The following ZBTB32 variants were observed in gnomAD, a reference collection of about 807,000 sequenced individuals.
ZBTB32 encodes zinc finger and BTB domain containing 32.
Under a neutral mutation model 45.3 loss-of-function variants are expected in ZBTB32, and 28 were observed. That is an observed-to-expected ratio of 0.62 (90% CI 0.46 to 0.85). ZBTB32 has a LOEUF of 0.85. Among genes scored for constraint, ZBTB32 ranks in the 40% least tolerant of loss-of-function variants. ZBTB32 has a pLI of 0.00. For synonymous variants in ZBTB32, 283 were observed against 255.7 expected (o/e 1.11, Z -1.02); for missense variants, 587 against 624.4 (o/e 0.94, Z 0.64).
At chr19:35,707,316 T>C (rs954786033) in intron 1 of ZBTB32, among the ~76,000 whole-genome samples, 3 of 151,390 alleles carry the variant, frequency 2.0e-5, no homozygotes, top group African/African-American at 7.3e-5. Context: ...GAGTAATCTG[T>C]CAATCTCTTG....
At chr19:35,711,175 T>C (rs982357754) in intron 1 of ZBTB32, among the ~76,000 whole-genome samples, 1 of 152,172 alleles carries the variant, frequency 6.6e-6, no homozygotes, top group Admixed American at 6.5e-5. Flanking sequence ...AAGCACATGA[T>C]GTGGGGCTGG....
In ZBTB32 at chr19:35,715,192, C is replaced by T; in HGVS notation, c.566C>T (p.Thr189Ile). Reference protein sequence around the residue: ...GATQEAQQEQTRSKEKRLQAP... With the variant: ...GATQEAQQEQIRSKEKRLQAP... The stretch of plus-strand genomic sequence containing the variant: ...ACGCAGGAGGCTCAGCAGGAACAGA[C>T]CAGGTCAAAGGAGAAACGCCTCCAA... Residue 189 changes from threonine to isoleucine, a missense_variant, in exon 3 of 7, where the codon ACC becomes ATC. Thr to Ile is a moderately conservative substitution (Grantham distance 89, BLOSUM62 -1). Coordinates refer to ENST00000392197, the MANE Select transcript of ZBTB32 (RefSeq NM_014383.3). The T allele has an allele frequency of 3.7e-6, 6 of 1,612,108 alleles. No homozygotes were observed. The highest frequency in any genetic ancestry group is 5.1e-6 in the Non-Finnish European group (6 of 1,179,654).
Position 35,715,137 on chromosome 19 carries a change from C to T in ZBTB32, c.511C>T (p.Pro171Ser), listed in dbSNP as rs1364691454. The T allele has an allele frequency of 6.2e-7, 1 of 1,613,948 alleles. No homozygotes were observed. Among genetic ancestry groups the T allele is most frequent in the Middle Eastern group, 1.6e-4 (1 of 6,062 alleles). ...EQEMLHKHSP[P>S]RGRPEMAGAT... ...GGAGATGTTGCACAAGCACTCGCCA[C>T]CAAGAGGCAGACCCGAGATGGCAGG... is the stretch of plus-strand genomic sequence containing the variant. The change falls in exon 3 of 7, where the codon CCA (proline) becomes TCA (serine). Residue 171 changes from proline to serine, a missense_variant. Pro to Ser is a moderately conservative substitution (Grantham distance 74). Transcript: ENST00000392197.
intron 2 of ZBTB32, chr19:35,713,530 G>A (rs1216677159): frequency 1.3e-5 from 2 of 152,424 alleles, no homozygotes; most frequent in African/African-American, 4.8e-5. Flanking sequence ...CCAACCTAGA[G>A]CCCTCTCCCT....
intron 6 of ZBTB32, 33 bp downstream of exon 6, chr19:35,716,330 C>T: frequency 1.2e-6 from 2 of 1,611,960 alleles, no homozygotes; most frequent in East Asian, 4.5e-5. Context: ...GAACTGTCGG[C>T]TTTCTTCCCA....
chr19:35,713,829 G>A (rs996062261), intron 2 of ZBTB32, among the ~76,000 whole-genome samples: 45 of 152,192 alleles, frequency 3.0e-4, no homozygotes, highest in Admixed American at 5.2e-4. Flanking sequence ...CAGTCCCCAC[G>A]TCCTTTCCTC....
chr19:35,712,537 A>C (rs749703060), intron 1 of ZBTB32, among the ~76,000 whole-genome samples: 4 of 152,220 alleles, frequency 2.6e-5, no homozygotes, highest in Non-Finnish European at 5.9e-5. Context: ...ACAGAAAAAG[A>C]AAGTTGAGCC....
In ZBTB32 at chr19:35,716,279, C is replaced by T. The variant is rs1173664493; in HGVS notation, c.1171C>T (p.His391Tyr). ...TTCACTCAAGCATCAGATGGAGACG[C>T]ACTACCGAGTCCACACAGGTATGGG... ...RFSLKHQMET[H>Y]YRVHTGEKPF... Residue 391 changes from histidine (H) to tyrosine (Y), a missense_variant, in exon 6 of 7, where the codon CAC (histidine) becomes TAC (tyrosine). Coordinates refer to ENST00000392197, the MANE Select transcript of ZBTB32 (RefSeq NM_014383.3). 1 of 1,612,974 alleles carries T rather than the reference C, an allele frequency of 6.2e-7. No homozygotes were observed.
At chr19:35,715,663 G>GC in intron 3 of ZBTB32, 94 bp from the exon 4 acceptor site, 1 of 1,492,432 alleles carries the variant, frequency 6.7e-7, no homozygotes. Context: ...CCAAAGCCCA[G>GC]CCCCCGGGGG....
rs1232741039 is a variant in ZBTB32 at position 35,716,754 on chromosome 19, G to A, written c.*2G>A. On this transcript the variant is annotated 3_prime_UTR_variant, in exon 7 of 7. Coordinates refer to ENST00000392197, the MANE Select transcript of ZBTB32 (RefSeq NM_014383.3). ...TGTCCTTCTTCCTCCACCACCTGAC[G>A]GGGTGTCGGTAGCGTCTTAGCCAAG... 1 of 1,598,416 alleles carries A rather than the reference G, an allele frequency of 6.3e-7. No homozygotes were observed. Among genetic ancestry groups the A allele is most frequent in the Non-Finnish European group, 8.6e-7 (1 of 1,167,556 alleles).
Position 35,716,488 on chromosome 19 carries a change from C to T in ZBTB32, c.1200C>T (p.Pro400=), listed in dbSNP as rs1968907089. 6.2e-7 allele frequency: 1 copy of T among 1,605,360 alleles called. No homozygotes were observed. Among genetic ancestry groups the T allele is most frequent in the Non-Finnish European group, 8.5e-7 (1 of 1,173,850 alleles). The change falls in exon 7 of 7, where the codon CCC becomes CCT. Residue 400 remains proline (P), a synonymous_variant. Coordinates refer to ENST00000392197, the MANE Select transcript of ZBTB32 (RefSeq NM_014383.3). ...TTCCGACCGCTCTAGGAGAGAAGCC[C>T]TTCTCCTGTAGCCTTTGTCCTCAGC... ...THYRVHTGEK[P]FSCSLCPQRS...
At chr19:35,716,387 C>T in intron 6 of ZBTB32, 90 bp downstream of exon 6, 1 of 1,590,844 alleles carries the variant, frequency 6.3e-7, no homozygotes, top group South Asian at 1.1e-5. Context: ...CCGCGCAATC[C>T]CCTAGCCCCG....
At position 35,715,467 on chromosome 19, in the gene ZBTB32, C is replaced by T. The variant is rs1968845151; in HGVS notation, c.841C>T (p.Pro281Ser). The change falls in exon 3 of 7, where the codon CCC (proline) becomes TCC (serine). Residue 281 changes from proline to serine, a missense_variant. Coordinates refer to ENST00000392197, the MANE Select transcript of ZBTB32 (RefSeq NM_014383.3). ...TGGCATTCCCTTCTACCATAGCACC[C>T]CCACCACTGGAGCCTGGCAGGAGGT... Reference protein sequence around the residue: ...RYGIPFYHSTPTTGAWQEVWR... With the variant: ...RYGIPFYHSTSTTGAWQEVWR... The T allele has an allele frequency of 6.4e-7, 1 of 1,566,422 alleles. No individual in the cohort carries two copies. Among genetic ancestry groups the T allele is most frequent in the East Asian group, 2.2e-5 (1 of 44,510 alleles).
rs771175287 is a variant in ZBTB32, at chr19:35,714,954, T to C, written c.328T>C (p.Trp110Arg). The C allele has an allele frequency of 2.5e-6, 4 of 1,588,562 alleles. No individual in the cohort carries two copies. In the African/African-American group the frequency reaches 5.4e-5, roughly 22 times the overall value. Residue 110 changes from tryptophan (W) to arginine (R), a missense_variant, in exon 3 of 7, where the codon TGG becomes CGG. Physicochemically the swap from Trp to Arg is moderately radical, Grantham distance 101. Coordinates refer to ENST00000392197, the MANE Select transcript of ZBTB32 (RefSeq NM_014383.3). The part of the protein sequence containing the change: ...LGVQSLEEAC[W>R]RARGDRAKKP... ...AGTGCAGTCCCTGGAAGAGGCATGC[T>C]GGAGGGCTCGAGGGGACAGGGCTAA...
chr19:35,707,933 G>A (rs571664564), intron 1 of ZBTB32, among the ~76,000 whole-genome samples: 5 of 152,190 alleles, frequency 3.3e-5, no homozygotes, highest in African/African-American at 9.6e-5. Flanking sequence ...ACTGAGCCAA[G>A]ATCGTGCCAC....
intron 1 of ZBTB32, among the ~76,000 whole-genome samples, chr19:35,706,890 A>G (rs2146408109): frequency 6.6e-6 from 1 of 152,202 alleles, no homozygotes; most frequent in Non-Finnish European, 1.5e-5. Context: ...ACCAGGGGTG[A>G]GGGTGCAAGG....
chr19:35,705,763 T>C (rs1029664342), intron 1 of ZBTB32, among the ~76,000 whole-genome samples: 8 of 150,820 alleles, frequency 5.3e-5, no homozygotes. Context: ...ATACAAAAAT[T>C]AGCCAGGTGT....
intron 1 of ZBTB32, among the ~76,000 whole-genome samples, chr19:35,708,682 T>C (rs1367479742): frequency 1.3e-5 from 2 of 152,212 alleles, no homozygotes; most frequent in African/African-American, 2.4e-5. Flanking sequence ...GGTATGACTA[T>C]AGCTGGTTCT....
intron 1 of ZBTB32, among the ~76,000 whole-genome samples, chr19:35,710,026 A>G (rs749160611): frequency 2.6e-5 from 4 of 152,122 alleles, no homozygotes; most frequent in Non-Finnish European, 5.9e-5. Context: ...CCTGGCCAAC[A>G]TGGTGAAACA....
Sources: gnomAD v4.1 joint callset for allele counts (sites outside exome capture counted in the v4.1 genomes callset) on GRCh38, gnomAD v4.1.1 for gene constraint, MANE v1.5 for transcripts, NCBI Gene and HGNC (gene_info 2026-07-23, HGNC 2026-07-21) for gene names.